CEP112: variants seen among roughly 807,000 people sequenced by gnomAD.
The protein encoded by CEP112 is centrosomal protein 112.
CEP112 carries 127 observed loss-of-function variants against 153.0 expected under a neutral mutation model. That is an observed-to-expected ratio of 0.83 (90% CI 0.72 to 0.96). The LOEUF (loss-of-function observed/expected upper bound fraction) is 0.96, where lower values mean the gene tolerates loss of function less well. CEP112 is among the 40% of genes least tolerant of loss of function. The probability of loss-of-function intolerance (pLI) is 0.00; values close to 1 mark genes in which losing one functional copy is unlikely to be tolerated. For synonymous variants in CEP112, 358 were observed against 374.4 expected (o/e 0.96, Z 0.51); for missense variants, 1,089 against 1,101.2 (o/e 0.99, Z 0.16).
At chr17:65,643,784 T>C (rs751703810) in intron 24 of CEP112, among the ~76,000 whole-genome samples, 8 of 152,228 alleles carry the variant, frequency 5.3e-5, no homozygotes, top group East Asian at 1.9e-4. Context: ...CCTTCAGGGC[T>C]TTCAGGAGTC....
intron 6 of CEP112, among the ~76,000 whole-genome samples, chr17:66,118,124 T>C (rs751836600): frequency 1.4e-4 from 21 of 152,050 alleles, no homozygotes; most frequent in Non-Finnish European, 2.2e-4. Flanking sequence ...AAATTAAAAA[T>C]AGAACTACCA....
At chr17:65,971,167 GTACAGCA>G (rs1568318101) in intron 17 of CEP112, among the ~76,000 whole-genome samples, 2 of 54,928 alleles carry the variant, frequency 3.6e-5, no homozygotes, top group Non-Finnish European at 8.4e-5. Context: ...TACATTACAT[GTACAGCA>G]CATGTACAGC....
Position 65,655,409 on chromosome 17 carries a change from T to C in CEP112, c.2698-14344A>G, listed in dbSNP as rs1177286541. ...CCAGTAAAGAACTAAGAACAGTACA[T>C]GACATGAAGATAACATTTTGTCTTT... On this transcript the variant is annotated intron_variant, in intron 24 of 26. Transcript: ENST00000535342. 5 of 1,452,882 alleles carry C rather than the reference T, an allele frequency of 3.4e-6. No individual in the cohort carries two copies. In the African/African-American group the frequency reaches 4.2e-5, roughly 12 times the overall value. 90.0% of individuals were successfully genotyped at this position (1,452,882 alleles called of 1,614,324 possible).
At chr17:65,654,542 T>C (rs2045961073) in intron 24 of CEP112, among the ~76,000 whole-genome samples, 1 of 152,150 alleles carries the variant, frequency 6.6e-6, no homozygotes, top group South Asian at 2.1e-4. Context: ...CCGACCTCTG[T>C]TGTTTGAAGG....
intron 23 of CEP112, among the ~76,000 whole-genome samples, chr17:65,706,335 G>T (rs554374941): frequency 1.5e-4 from 23 of 152,318 alleles, no homozygotes; most frequent in African/African-American, 5.3e-4. Flanking sequence ...GAAAATGGGG[G>T]TGTGCTCAGG....
At chr17:65,645,704 T>G (rs2045394351) in intron 24 of CEP112, among the ~76,000 whole-genome samples, 1 of 152,262 alleles carries the variant, frequency 6.6e-6, no homozygotes, top group Non-Finnish European at 1.5e-5. Context: ...TATAAAGAAC[T>G]GTAATTAGTC....
intron 6 of CEP112, among the ~76,000 whole-genome samples, chr17:66,106,036 G>GC (rs2068768002): frequency 6.6e-6 from 1 of 151,984 alleles, no homozygotes; most frequent in African/African-American, 2.4e-5. Context: ...AATTAAATAT[G>GC]CTCCTGAATG....
In CEP112 at chr17:65,677,245, T is replaced by C. The variant is rs1175434738; in HGVS notation, c.2697+11884A>G. Among the ~76,000 whole-genome samples, 5 of 152,222 alleles carry C rather than the reference T, an allele frequency of 3.3e-5. No homozygotes were observed. In the East Asian group the frequency reaches 7.7e-4, roughly 23 times the overall value. ...AACTATTTATTTTCCTTTATTATAA[T>C]AGAAGTTCCTAGAGTATAACCACAT... On this transcript the variant is annotated intron_variant, in intron 24 of 26. Coordinates refer to ENST00000535342, the MANE Select transcript of CEP112 (RefSeq NM_001199165.4).
At chr17:65,913,828 A>C (rs958379592) in intron 19 of CEP112, 71 of 985,354 alleles carry the variant, frequency 7.2e-5, no homozygotes, top group Non-Finnish European at 8.2e-5. Flanking sequence ...TGATAGATGA[A>C]GCAAGGCTGG....
chr17:65,716,463 C>G (rs1343456893), intron 23 of CEP112, among the ~76,000 whole-genome samples: 2 of 151,868 alleles, frequency 1.3e-5, no homozygotes, highest in Non-Finnish European at 2.9e-5. Context: ...GCCCAGCCAG[C>G]CCTATGCTTT....
intron 4 of CEP112, among the ~76,000 whole-genome samples, chr17:66,155,991 T>C (rs1479454819): frequency 6.6e-6 from 1 of 152,198 alleles, no homozygotes; most frequent in Admixed American, 6.5e-5. Context: ...CTGTTGGCTC[T>C]GAAGAGAGCA....
intron 24 of CEP112, among the ~76,000 whole-genome samples, chr17:65,671,070 CTT>C (rs1451983789): frequency 2.6e-5 from 4 of 151,766 alleles, no homozygotes; most frequent in Non-Finnish European, 4.4e-5. Flanking sequence ...TGAAAGGAAA[CTT>C]ATTTCTCAGA....
At chr17:66,058,385 C>A (rs1283103042) in intron 11 of CEP112, among the ~76,000 whole-genome samples, 2 of 152,036 alleles carry the variant, frequency 1.3e-5, no homozygotes, top group Non-Finnish European at 1.5e-5. Context: ...AGAAAAACCA[C>A]ATGACTAGAA....
rs369881231 is a variant in CEP112, at chr17:66,130,725, A to G, written c.565-902T>C. Reference sequence around the variant, plus strand: ...CGGGAGGTGGAGCTTGCAGTGAGCCAAGATCACGCCACTGCACTCCAGCCT... The same window carrying G: ...CGGGAGGTGGAGCTTGCAGTGAGCCGAGATCACGCCACTGCACTCCAGCCT... On this transcript the variant is annotated intron_variant, in intron 5 of 26. Coordinates refer to ENST00000535342, the MANE Select transcript of CEP112 (RefSeq NM_001199165.4). Among the ~76,000 whole-genome samples the G allele has an allele frequency of 1.3e-4, 20 of 149,866 alleles. No homozygotes were observed. The East Asian group carries it at 1.4e-3, about 10-fold the overall frequency.
chr17:65,936,525 T>C (rs2061312084), intron 18 of CEP112, among the ~76,000 whole-genome samples: 1 of 151,888 alleles, frequency 6.6e-6, no homozygotes, highest in Admixed American at 6.6e-5. Flanking sequence ...TTCAATAAAA[T>C]ACTAGCAATA....
chr17:66,181,212 T>C (rs1039794029), intron 2 of CEP112, among the ~76,000 whole-genome samples: 4 of 152,196 alleles, frequency 2.6e-5, no homozygotes, highest in African/African-American at 9.6e-5. Context: ...TATTATGAAT[T>C]TCTAGTTCTT....
chr17:65,784,796 A>G (rs2054187574), intron 21 of CEP112, among the ~76,000 whole-genome samples: 1 of 152,158 alleles, frequency 6.6e-6, no homozygotes, highest in South Asian at 2.1e-4. Context: ...TATTTTTAAT[A>G]ACAGCTGTAG....
At chr17:66,043,287 C>G (rs745962230) in intron 12 of CEP112, 1 of 152,678 alleles carries the variant, frequency 6.5e-6, no homozygotes, top group Non-Finnish European at 1.5e-5. Context: ...TTTTATAGTT[C>G]ATTACACTAC....
At chr17:65,687,639 TAGGA>T (rs2047882271) in intron 24 of CEP112, among the ~76,000 whole-genome samples, 1 of 152,016 alleles carries the variant, frequency 6.6e-6, no homozygotes. Context: ...CATTAGAGAG[TAGGA>T]AGGAATTATA....
Sources: gnomAD v4.1 joint callset for allele counts (sites outside exome capture counted in the v4.1 genomes callset) on GRCh38, gnomAD v4.1.1 for gene constraint, MANE v1.5 for transcripts, NCBI Gene and HGNC (gene_info 2026-07-23, HGNC 2026-07-21) for gene names.